TOX: variants seen among roughly 807,000 people sequenced by gnomAD.
The protein encoded by TOX is thymocyte selection-associated high mobility group box protein TOX.
TOX carries 11 observed loss-of-function variants against 53.7 expected under a neutral mutation model. The observed-to-expected ratio is 0.20, with a 90% CI of 0.13 to 0.34. The LOEUF (loss-of-function observed/expected upper bound fraction) is 0.34, where lower values mean the gene tolerates loss of function less well. TOX is among the 10% of genes least tolerant of loss of function. The pLI is 1.00. For synonymous variants in TOX, 225 were observed against 245.3 expected (o/e 0.92, Z 0.77); for missense variants, 570 against 664.6 (o/e 0.86, Z 1.56).
rs1358659033 is a variant in TOX, at chr8:59,046,114, A to G, written c.102+72772T>C. 3.3e-5 allele frequency among the ~76,000 whole-genome samples: 5 copies of G among 152,186 alleles called. No homozygotes were observed. In the South Asian group the frequency reaches 1.0e-3, roughly 32 times the overall value. ...ATAACAGTTACAGAGACCTGCTGCTAGCTGATGATTTTTACCCTCCATGTT... is the reference window on the plus strand; with the variant it reads ...ATAACAGTTACAGAGACCTGCTGCTGGCTGATGATTTTTACCCTCCATGTT... On this transcript the variant is annotated intron_variant, in intron 1 of 8. Transcript: ENST00000361421.
intron 3 of TOX, 106 bp downstream of exon 3, chr8:58,939,196 C>T (rs1377674465): frequency 2.2e-6 from 3 of 1,387,936 alleles, no homozygotes; most frequent in Non-Finnish European, 3.0e-6. Context: ...CAGCTAGAAA[C>T]AGTTTCAGAA....
At chr8:59,004,583 A>T (rs568577730) in intron 1 of TOX, among the ~76,000 whole-genome samples, 1 of 152,346 alleles carries the variant, frequency 6.6e-6, no homozygotes, top group South Asian at 2.1e-4. Flanking sequence ...TTAAATTAAG[A>T]CTAGTAAGAA....
chr8:58,855,426 C>T (rs1484912911), intron 3 of TOX, among the ~76,000 whole-genome samples: 4 of 152,128 alleles, frequency 2.6e-5, no homozygotes, highest in Non-Finnish European at 5.9e-5. Context: ...ACACCTTCAT[C>T]TTCCTTGTCA....
chr8:59,054,652 T>C (rs1393639391), intron 1 of TOX, among the ~76,000 whole-genome samples: 5 of 152,058 alleles, frequency 3.3e-5, no homozygotes, highest in Non-Finnish European at 7.4e-5. Flanking sequence ...GCCGACTCGT[T>C]ACAACTTTGA....
At chr8:58,940,227 A>G (rs1167690495) in intron 2 of TOX, among the ~76,000 whole-genome samples, 2 of 152,206 alleles carry the variant, frequency 1.3e-5, no homozygotes, top group African/African-American at 4.8e-5. Flanking sequence ...AATATTGCAA[A>G]TATTTAAATT....
At chr8:58,926,344 G>C (rs1812159442) in intron 3 of TOX, among the ~76,000 whole-genome samples, 1 of 152,146 alleles carries the variant, frequency 6.6e-6, no homozygotes. Context: ...TGAGCCCATG[G>C]GGGGACATGA....
In TOX at chr8:59,064,830, T is replaced by C. The variant is rs547822065; in HGVS notation, c.102+54056A>G. On this transcript the variant is annotated intron_variant, in intron 1 of 8. Transcript: ENST00000361421. ...TTATTCAGTTTTATTTCAATGTATG[T>C]CAATTTAGCATATTTTAAATAGTCT... 5.3e-5 allele frequency among the ~76,000 whole-genome samples: 8 copies of C among 152,300 alleles called. No homozygotes were observed. The South Asian group carries it at 1.7e-3, about 32-fold the overall frequency.
intron 1 of TOX, among the ~76,000 whole-genome samples, chr8:59,109,244 C>A (rs1202827220): frequency 6.6e-6 from 1 of 152,018 alleles, no homozygotes; most frequent in Non-Finnish European, 1.5e-5. Flanking sequence ...AAGGAGCTCA[C>A]GGCTATAACA....
At chr8:58,992,420 C>A (rs1285180242) in intron 1 of TOX, among the ~76,000 whole-genome samples, 1 of 152,162 alleles carries the variant, frequency 6.6e-6, no homozygotes, top group East Asian at 1.9e-4. Context: ...CTGCTTCCTC[C>A]TATCCAGATA....
intron 1 of TOX, among the ~76,000 whole-genome samples, chr8:59,003,422 A>G (rs996059879): frequency 2.0e-5 from 3 of 152,146 alleles, no homozygotes. Flanking sequence ...ATTCCCAGAG[A>G]TCTATTAGCG....
intron 1 of TOX, among the ~76,000 whole-genome samples, chr8:59,045,766 G>T (rs543784218): frequency 6.6e-6 from 1 of 152,262 alleles, no homozygotes; most frequent in African/African-American, 2.4e-5. Flanking sequence ...ACTTAGGAAA[G>T]GATTAAGTAA....
intron 1 of TOX, among the ~76,000 whole-genome samples, chr8:58,960,774 A>G (rs1217589381): frequency 6.6e-6 from 1 of 152,220 alleles, no homozygotes; most frequent in African/African-American, 2.4e-5. Flanking sequence ...AATAACAACA[A>G]CAAAATACTT....
intron 1 of TOX, among the ~76,000 whole-genome samples, chr8:59,064,145 C>T (rs1804045615): frequency 1.3e-5 from 2 of 152,030 alleles, no homozygotes; most frequent in African/African-American, 4.8e-5. Context: ...TTACCATGTT[C>T]CCTATGGTCT....
chr8:58,995,537 A>G (rs1813545480), intron 1 of TOX, among the ~76,000 whole-genome samples: 2 of 152,244 alleles, frequency 1.3e-5, no homozygotes, highest in African/African-American at 4.8e-5. Flanking sequence ...GAGCTAATGC[A>G]TGGAGCACAC....
chr8:59,100,879 G>C (rs1232963197), intron 1 of TOX, among the ~76,000 whole-genome samples: 1 of 151,910 alleles, frequency 6.6e-6, no homozygotes, highest in African/African-American at 2.4e-5. Flanking sequence ...ATGATACCTA[G>C]TTCAAATTTC....
chr8:59,045,716 C>A (rs1803669858), intron 1 of TOX, among the ~76,000 whole-genome samples: 1 of 152,154 alleles, frequency 6.6e-6, no homozygotes, highest in African/African-American at 2.4e-5. Flanking sequence ...GTGCTTCATT[C>A]TACTCCTCTC....
intron 1 of TOX, among the ~76,000 whole-genome samples, chr8:59,048,819 A>G (rs1290523365): frequency 6.6e-6 from 1 of 152,198 alleles, no homozygotes; most frequent in African/African-American, 2.4e-5. Context: ...CAGAAATATT[A>G]TATTTTAAGT....
At chr8:59,004,882 T>C (rs1392994456) in intron 1 of TOX, among the ~76,000 whole-genome samples, 3 of 152,228 alleles carry the variant, frequency 2.0e-5, no homozygotes, top group African/African-American at 4.8e-5. Flanking sequence ...TAATTAACAA[T>C]GCCTGTTCGC....
chr8:58,998,493 GTATATATATATATATATATATA>G lies in TOX; in HGVS notation c.103-38507_103-38486del, dbSNP rs61434586. Among the ~76,000 whole-genome samples the G allele has an allele frequency of 9.4e-5, 6 of 63,616 alleles. 1 individual carries two copies. The East Asian group carries it at 2.9e-3, about 31-fold the overall frequency. The allele number at this position is 63,616 out of a possible 152,430, so 41.7% of individuals were successfully genotyped here. A position where few individuals can be genotyped will look rare whatever the true frequency, so the allele number is the denominator to read the frequency against. On this transcript the variant is annotated intron_variant, in intron 1 of 8. Coordinates refer to ENST00000361421, the MANE Select transcript of TOX (RefSeq NM_014729.3). The stretch of plus-strand genomic sequence containing the variant: ...GATAGAGCCAGACTCCATCTCAAAA[GTATATATATATATATATATATA>G]TATATATATATATATATATATATAA...
Sources: gnomAD v4.1 joint callset for allele counts (sites outside exome capture counted in the v4.1 genomes callset) on GRCh38, gnomAD v4.1.1 for gene constraint, MANE v1.5 for transcripts, NCBI Gene and HGNC (gene_info 2026-07-23, HGNC 2026-07-21) for gene names.